Variants in ANKMY1 observed in about 807,000 individuals in gnomAD.
The protein encoded by ANKMY1 is ankyrin repeat and MYND domain-containing protein 1.
Under a neutral mutation model 102.0 loss-of-function variants are expected in ANKMY1, and 98 were observed. The ratio of observed to expected loss-of-function variants is 0.96; its 90% CI spans 0.82 to 1.14. ANKMY1 has a LOEUF of 1.14. Ranked by LOEUF, ANKMY1 falls within the 50% of genes most tolerant of loss-of-function variation. The probability of loss-of-function intolerance (pLI) is 0.00; values close to 1 mark genes in which losing one functional copy is unlikely to be tolerated. For synonymous variants in ANKMY1, 582 were observed against 559.9 expected, an observed-to-expected ratio of 1.04 and a Z score of -0.56; for missense variants, 1,330 against 1,347.6, an observed-to-expected ratio of 0.99 and a Z score of 0.20.
intron 4 of ANKMY1, chr2:240,552,595 T>C: frequency 2.8e-6 from 1 of 355,128 alleles, no homozygotes; most frequent in South Asian, 2.4e-5. Context: ...AGACTAGGCA[T>C]GTTCTCCATT....
intron 4 of ANKMY1, among the ~76,000 whole-genome samples, chr2:240,540,594 C>A (rs114885029): frequency 6.6e-6 from 1 of 152,284 alleles, no homozygotes; most frequent in East Asian, 1.9e-4. Context: ...CCCATTGTTA[C>A]ATTTCTTCCC....
chr2:240,476,654 G>T (rs1235340296), downstream of ANKMY1, among the ~76,000 whole-genome samples: 2 of 152,174 alleles, frequency 1.3e-5, no homozygotes, highest in African/African-American at 4.8e-5. Flanking sequence ...GCCCACCAGG[G>T]AAAAGAAATG....
intron 4 of ANKMY1, among the ~76,000 whole-genome samples, chr2:240,543,836 A>C (rs2089632698): frequency 1.3e-5 from 2 of 152,180 alleles, no homozygotes; most frequent in Non-Finnish European, 2.9e-5. Flanking sequence ...AATGAAGAAA[A>C]GGTTATGATA....
chr2:240,553,480 G>A, intron 3 of ANKMY1: 1 of 217,248 alleles, frequency 4.6e-6, no homozygotes, highest in South Asian at 7.1e-5. Flanking sequence ...GGCCCCAGTA[G>A]GCACAGGGGA....
rs773481706 is a variant in ANKMY1, at chr2:240,523,853, C to T, written c.1832+32G>A. On this transcript the variant is annotated intron_variant, in intron 8 of 17. Coordinates refer to ENST00000401804, the MANE Select transcript of ANKMY1 (RefSeq NM_001282771.3). The stretch of plus-strand genomic sequence containing the variant: ...ATAGGATTCAGCCCTGATGGTGGCC[C>T]TCCACCCCCACCAGCTGGTGCCAGG... The T allele has an allele frequency of 1.9e-6, 3 of 1,598,786 alleles. No homozygotes were observed. In the African/African-American group the frequency reaches 4.0e-5, roughly 21 times the overall value.
chr2:240,475,307 A>C (rs1358865103), downstream of ANKMY1, among the ~76,000 whole-genome samples: 1 of 152,174 alleles, frequency 6.6e-6, no homozygotes, highest in African/African-American at 2.4e-5. Context: ...AATTCATTAA[A>C]GTTGCAAGAT....
chr2:240,494,673 A>G (rs548860185), intron 15 of ANKMY1, among the ~76,000 whole-genome samples: 86 of 152,292 alleles, frequency 5.6e-4, no homozygotes, highest in African/African-American at 1.8e-3. Context: ...TGTGGAACCC[A>G]GTGCAACCTT....
At chr2:240,560,987 C>T (rs2092931659), upstream of ANKMY1, 5 of 1,546,144 alleles carry the variant, frequency 3.2e-6, no homozygotes, top group Admixed American at 9.8e-5. Flanking sequence ...CCTGCCTAGT[C>T]TACTGCAAGA....
rs748063887 is a variant in ANKMY1, at chr2:240,534,551, G to A, written c.481-5042C>T. ...CAGGAGGTCAATGCTGCAGCGAGCC[G>A]TGGTCACACCACTGCACCCCAGCCT... On this transcript the variant is annotated intron_variant, in intron 4 of 17. Transcript: ENST00000401804. 4.0e-5 allele frequency among the ~76,000 whole-genome samples: 6 copies of A among 150,446 alleles called. No homozygotes were observed. In the East Asian group the frequency reaches 6.1e-4, roughly 15 times the overall value.
At chr2:240,552,152 G>A (rs1271532854) in intron 4 of ANKMY1, among the ~76,000 whole-genome samples, 1 of 152,180 alleles carries the variant, frequency 6.6e-6, no homozygotes, top group Non-Finnish European at 1.5e-5. Context: ...CATCTCTTCA[G>A]CTGCACCTCC....
rs1273211375 is a variant in ANKMY1, at chr2:240,525,809, C to T, written c.1211G>A (p.Cys404Tyr). ...HNDIVNLLLD[C>Y]GADVNKCSDE... Reference sequence around the variant, plus strand: ...TGAGCACTTGTTCACGTCGGCCCCACAGTCCAGGAGAAGGTTGACAATGTC... The same window carrying T: ...TGAGCACTTGTTCACGTCGGCCCCATAGTCCAGGAGAAGGTTGACAATGTC... Residue 404 changes from cysteine (C) to tyrosine (Y), a missense_variant, in exon 7 of 18, where the codon TGT becomes TAT. Physicochemically the swap from Cys to Tyr is radical, Grantham distance 194 (BLOSUM62 -2). Transcript: ENST00000401804. The T allele has an allele frequency of 6.2e-7, 1 of 1,614,018 alleles. No homozygotes were observed. Among genetic ancestry groups the T allele is most frequent in the African/African-American group, 1.3e-5 (1 of 74,910 alleles).
chr2:240,560,972 C>T (rs916164512), upstream of ANKMY1: 11 of 1,517,328 alleles, frequency 7.2e-6, no homozygotes, highest in Middle Eastern at 1.2e-3. Flanking sequence ...TGCGCGCCGG[C>T]GGCGCCTGCC....
chr2:240,512,796 A>G lies in ANKMY1; in HGVS notation c.2145+6T>C, dbSNP rs201811446. The G allele has an allele frequency of 1.2e-6, 2 of 1,613,268 alleles. No homozygotes were observed. The highest frequency in any genetic ancestry group is 1.7e-6 in the Non-Finnish European group (2 of 1,179,646). On this transcript the variant is annotated splice_donor_region_variant and intron_variant, in intron 10 of 17. Transcript: ENST00000401804. ...CATACCCCTATCCAGGTCGCGAGGT[A>G]CACACCTTGCCGGGCTTGTAAGTGT... is the stretch of plus-strand genomic sequence containing the variant.
At chr2:240,519,060 C>A (rs1477987176) in intron 9 of ANKMY1, among the ~76,000 whole-genome samples, 1 of 152,222 alleles carries the variant, frequency 6.6e-6, no homozygotes, top group Non-Finnish European at 1.5e-5. Context: ...AGTGTTTACA[C>A]AACCGGAGAA....
chr2:240,470,701 AAAAG>A, the ANKMY1 span, among the ~76,000 whole-genome samples: 1 of 152,184 alleles, frequency 6.6e-6, no homozygotes, highest in African/African-American at 2.4e-5. Flanking sequence ...TGTGAGAATT[AAAAG>A]AAACAGGAGG....
intron 15 of ANKMY1, among the ~76,000 whole-genome samples, chr2:240,484,185 T>C (rs1339408186): frequency 2.0e-5 from 3 of 152,242 alleles, no homozygotes; most frequent in African/African-American, 7.2e-5. Flanking sequence ...TTTATAATCC[T>C]TTGAGTAGAT....
upstream of ANKMY1, chr2:240,558,074 C>A: frequency 1.3e-6 from 1 of 772,166 alleles, no homozygotes; most frequent in Non-Finnish European, 1.6e-6. Context: ...CCAGGACGCA[C>A]CCGGCCCCGC....
At position 240,526,928 on chromosome 2, in the gene ANKMY1, A is replaced by C. The variant is rs1230988061; in HGVS notation, c.954-483T>G. 5 of 1,076,208 alleles carry C rather than the reference A, an allele frequency of 4.6e-6. No homozygotes were observed. The Admixed American group carries it at 2.4e-4, about 53-fold the overall frequency. The allele number at this position is 1,076,208 out of a possible 1,614,324, so 66.7% of individuals were successfully genotyped here. On this transcript the variant is annotated intron_variant, in intron 5 of 17. Coordinates refer to ENST00000401804, the MANE Select transcript of ANKMY1 (RefSeq NM_001282771.3). ...AACACTGATGCCTCCTGGTGTGTAC[A>C]CAACCCCTTTTCACAATCGAGAACC...
At chr2:240,543,245 C>T (rs965755505) in intron 4 of ANKMY1, among the ~76,000 whole-genome samples, 5 of 150,840 alleles carry the variant, frequency 3.3e-5, no homozygotes, top group Non-Finnish European at 4.4e-5. Flanking sequence ...CCCAGCTACT[C>T]GGGAGGCTGA....
Sources: gnomAD v4.1 joint callset for allele counts (sites outside exome capture counted in the v4.1 genomes callset) on GRCh38, gnomAD v4.1.1 for gene constraint, MANE v1.5 for transcripts, NCBI Gene and HGNC (gene_info 2026-07-23, HGNC 2026-07-21) for gene names.